GRM8: variants seen among roughly 807,000 people sequenced by gnomAD.
GRM8 encodes the protein glutamate metabotropic receptor 8.
A neutral mutation model predicts 87.2 loss-of-function variants in GRM8; 47 were observed. The observed-to-expected ratio is 0.54, with a 90% confidence interval of 0.43 to 0.69. The LOEUF (loss-of-function observed/expected upper bound fraction) is 0.69. GRM8 is among the 30% of genes least tolerant of loss of function. The pLI, the probability that GRM8 is intolerant of heterozygous loss-of-function variation, is 0.00. For synonymous variants in GRM8, 396 were observed against 404.5 expected, an observed-to-expected ratio of 0.98 and a Z score of 0.25; for missense variants, 1,019 against 1,139.2, an observed-to-expected ratio of 0.89 and a Z score of 1.52.
At chr7:127,202,366 C>T (rs1795662335) in intron 2 of GRM8, among the ~76,000 whole-genome samples, 1 of 152,018 alleles carries the variant, frequency 6.6e-6, no homozygotes, top group South Asian at 2.1e-4. Context: ...TTAGTAGAAA[C>T]AGGGTTTTGC....
chr7:126,885,862 A>G (rs1336998989), intron 6 of GRM8, among the ~76,000 whole-genome samples: 1 of 152,150 alleles, frequency 6.6e-6, no homozygotes, highest in Non-Finnish European at 1.5e-5. Context: ...ATCACAATAA[A>G]GTTTCTTATC....
At chr7:127,091,732 CTCCCACTGGTCATCCCTCCCG>C (rs1235975196) in intron 3 of GRM8, among the ~76,000 whole-genome samples, 4 of 139,770 alleles carry the variant, frequency 2.9e-5, no homozygotes, top group Non-Finnish European at 6.3e-5. Flanking sequence ...TCATCCCCTC[CTCCCACTGGTCATCCCTCCCG>C]TCCCACTGAT....
chr7:126,977,693 A>C (rs1035234047), intron 3 of GRM8, among the ~76,000 whole-genome samples: 4 of 152,232 alleles, frequency 2.6e-5, no homozygotes, highest in African/African-American at 4.8e-5. Context: ...AACGGTGTTA[A>C]CTAGTGCATC....
chr7:126,759,640 C>T (rs1401235382), intron 7 of GRM8, among the ~76,000 whole-genome samples: 1 of 152,118 alleles, frequency 6.6e-6, no homozygotes, highest in Non-Finnish European at 1.5e-5. Flanking sequence ...TTGTTTTCAC[C>T]TCCCAAACTA....
intron 7 of GRM8, among the ~76,000 whole-genome samples, chr7:126,617,721 T>C (rs1799664454): frequency 6.6e-6 from 1 of 152,306 alleles, no homozygotes; most frequent in East Asian, 1.9e-4. Flanking sequence ...CAAGCATTCT[T>C]ATACACCAAT....
chr7:126,795,292 G>A (rs1204327184), intron 6 of GRM8, among the ~76,000 whole-genome samples: 1 of 152,062 alleles, frequency 6.6e-6, no homozygotes, highest in African/African-American at 2.4e-5. Flanking sequence ...ATCTAGCTCA[G>A]AAGCAAAGTG....
intron 2 of GRM8, among the ~76,000 whole-genome samples, chr7:127,158,921 T>C (rs1425178665): frequency 6.6e-6 from 1 of 152,198 alleles, no homozygotes; most frequent in African/African-American, 2.4e-5. Flanking sequence ...TCACCACCTC[T>C]AGAAGGGCCC....
chr7:127,106,425 G>T, intron 3 of GRM8, 71 bp downstream of exon 3: 1 of 1,180,714 alleles, frequency 8.5e-7, no homozygotes, highest in Non-Finnish European at 1.3e-6. Context: ...AGATAAGAGA[G>T]CACTTGGAGA....
intron 7 of GRM8, among the ~76,000 whole-genome samples, chr7:126,742,190 C>G (rs1450170992): frequency 1.3e-5 from 2 of 151,840 alleles, no homozygotes; most frequent in African/African-American, 2.4e-5. Flanking sequence ...CTGTGTTGTT[C>G]CAGGGTCAAC....
At chr7:126,469,045 A>G (rs566539874) in intron 9 of GRM8, among the ~76,000 whole-genome samples, 1 of 152,228 alleles carries the variant, frequency 6.6e-6, no homozygotes, top group South Asian at 2.1e-4. Context: ...TTGTTTCAGC[A>G]TTTATTGTTG....
At chr7:127,115,182 G>A (rs181164807) in intron 2 of GRM8, among the ~76,000 whole-genome samples, 39 of 152,264 alleles carry the variant, frequency 2.6e-4, no homozygotes, top group African/African-American at 8.4e-4. Flanking sequence ...GAGAGCAAGA[G>A]AACTTGACTT....
At chr7:126,950,487 A>C (rs1808019105) in intron 3 of GRM8, among the ~76,000 whole-genome samples, 1 of 152,148 alleles carries the variant, frequency 6.6e-6, no homozygotes, top group Non-Finnish European at 1.5e-5. Context: ...TTTTATTTTT[A>C]TCTATTTCTC....
intron 2 of GRM8, among the ~76,000 whole-genome samples, chr7:127,124,593 T>C (rs1197801535): frequency 2.0e-5 from 3 of 152,280 alleles, no homozygotes; most frequent in East Asian, 1.9e-4. Context: ...ACTGTCAGTA[T>C]AACTACAATG....
chr7:126,668,143 G>A (rs561297831), intron 7 of GRM8, among the ~76,000 whole-genome samples: 1 of 152,216 alleles, frequency 6.6e-6, no homozygotes, highest in Non-Finnish European at 1.5e-5. Flanking sequence ...ACAACCCAGC[G>A]GGAAGTGCTC....
intron 8 of GRM8, among the ~76,000 whole-genome samples, chr7:126,607,110 C>G (rs17683777): frequency 6.6e-6 from 1 of 151,916 alleles, no homozygotes; most frequent in South Asian, 2.1e-4. Context: ...CCTATAGGTC[C>G]TCTTTCAAAA....
chr7:127,015,376 T>C (rs1815561477), intron 3 of GRM8, among the ~76,000 whole-genome samples: 1 of 152,126 alleles, frequency 6.6e-6, no homozygotes, highest in African/African-American at 2.4e-5. Flanking sequence ...CAAACCACTG[T>C]GTCCAGAGAT....
At chr7:127,104,900 T>C (rs576573360) in intron 3 of GRM8, among the ~76,000 whole-genome samples, 1 of 152,368 alleles carries the variant, frequency 6.6e-6, no homozygotes, top group South Asian at 2.1e-4. Context: ...ATCCATTTTG[T>C]TGGATTCTGC....
intron 6 of GRM8, among the ~76,000 whole-genome samples, chr7:126,858,043 C>A (rs1372722622): frequency 6.6e-6 from 1 of 152,142 alleles, no homozygotes; most frequent in Non-Finnish European, 1.5e-5. Flanking sequence ...AAAATCTGAG[C>A]CTTCCTAGTC....
chr7:127,137,265 A>C (rs184601488), intron 2 of GRM8, among the ~76,000 whole-genome samples: 1 of 152,172 alleles, frequency 6.6e-6, no homozygotes, highest in East Asian at 1.9e-4. Context: ...TCATTAGCAC[A>C]ATGCCAGAGA....
Sources: gnomAD v4.1 joint callset for allele counts (sites outside exome capture counted in the v4.1 genomes callset) on GRCh38, gnomAD v4.1.1 for gene constraint, MANE v1.5 for transcripts, NCBI Gene and HGNC (gene_info 2026-07-23, HGNC 2026-07-21) for gene names.